The following MARF1 variants were observed in gnomAD, a reference collection of about 807,000 sequenced individuals.
The protein encoded by MARF1 is limkain-b1.
MARF1 carries 24 observed loss-of-function variants against 168.2 expected under a neutral mutation model. The observed-to-expected ratio is 0.14, with a 90% CI of 0.10 to 0.20. The LOEUF is 0.20. MARF1 is among the 10% of genes least tolerant of loss of function. MARF1 has a pLI of 1.00. For missense variants in MARF1, 1,744 were observed against 2,143.6 expected (o/e 0.81, Z 3.68); for synonymous variants, 868 against 822.4 (o/e 1.06, Z -0.95).
rs2032042104 is a variant in MARF1, at chr16:15,598,777, TTTACTATA to T, written c.4984+69_4984+76del. On this transcript the variant is annotated intron_variant, in intron 26 of 26. Transcript: ENST00000396368. The stretch of plus-strand genomic sequence containing the variant: ...GGGTAGTCCCTTCCCACCTCCGTCA[TTTACTATA>T]TCAGTATCTCATCGTGGTTTTGTTT... 1.7e-5 allele frequency: 24 copies of T among 1,408,614 alleles called. No homozygotes were observed. The East Asian group carries it at 5.3e-4, about 31-fold the overall frequency. The allele number at this position is 1,408,614 out of a possible 1,614,324, so 87.3% of individuals were successfully genotyped here.
At chr16:15,599,175 ACAAAAACCC>A in intron 25 of MARF1, 151 bp from the exon 26 acceptor site, 2 of 728,838 alleles carry the variant, frequency 2.7e-6, no homozygotes, top group East Asian at 3.0e-5. Flanking sequence ...AAAAAAAAAA[ACAAAAACCC>A]AAAACCCACT....
chr16:15,633,919 T>A, intron 4 of MARF1, 76 bp from the exon 5 acceptor site: 2 of 1,223,604 alleles, frequency 1.6e-6, no homozygotes, highest in Non-Finnish European at 2.3e-6. Context: ...ATAAACTACC[T>A]ATCATTCTCA....
chr16:15,629,701 G>T (rs1403530528), intron 7 of MARF1, among the ~76,000 whole-genome samples: 1 of 152,144 alleles, frequency 6.6e-6, no homozygotes, highest in Non-Finnish European at 1.5e-5. Flanking sequence ...ACACAGCCCA[G>T]CACTGCAATA....
At chr16:15,636,380 A>G (rs2035601400) in intron 2 of MARF1, 38 bp from the exon 3 acceptor site, 2 of 1,485,666 alleles carry the variant, frequency 1.3e-6, no homozygotes, top group Non-Finnish European at 1.8e-6. Flanking sequence ...TAATTTTATG[A>G]GGTCCGTGGT....
chr16:15,605,517 A>G (rs2151064597), intron 21 of MARF1, among the ~76,000 whole-genome samples: 1 of 152,142 alleles, frequency 6.6e-6, no homozygotes, highest in Middle Eastern at 3.4e-3. Context: ...CAACCGATAC[A>G]AGTCCAGGGG....
rs560079706 is a variant in MARF1, at chr16:15,631,555, C to T, written c.1234-57G>A. The T allele has an allele frequency of 4.3e-6, 5 of 1,168,326 alleles. No homozygotes were observed. The South Asian group carries it at 6.7e-5, about 16-fold the overall frequency. The allele number at this position is 1,168,326 out of a possible 1,614,324, so 72.4% of individuals were successfully genotyped here. A position where few individuals can be genotyped will look rare whatever the true frequency, so the allele number is the denominator to read the frequency against. Reference sequence around the variant, plus strand: ...AGGAGCTGAGGCTAGAAAATTGCTACACATTCTGCCCATATTTTTTATTTT... The same window carrying T: ...AGGAGCTGAGGCTAGAAAATTGCTATACATTCTGCCCATATTTTTTATTTT... On this transcript the variant is annotated intron_variant, in intron 5 of 26. Coordinates refer to ENST00000396368, the MANE Select transcript of MARF1 (RefSeq NM_014647.4).
chr16:15,619,319 A>AGTTTC (rs2034286779), intron 13 of MARF1, among the ~76,000 whole-genome samples: 1 of 152,202 alleles, frequency 6.6e-6, no homozygotes, highest in African/African-American at 2.4e-5. Context: ...TACCCACTCT[A>AGTTTC]GTTTCAATGA....
In MARF1 at chr16:15,604,327, C is replaced by T. The variant is rs767088126; in HGVS notation, c.4254G>A (p.Gln1418=). The part of the protein sequence containing the change: ...NRKSLRSLTA[Q]LLVLLMSWEG... ...CCCAAGACATCAACAATACCAGCAACTGGGCAGTGAGAGATCGCAGAGACT... is the reference window on the plus strand; with the variant it reads ...CCCAAGACATCAACAATACCAGCAATTGGGCAGTGAGAGATCGCAGAGACT... The change falls in exon 22 of 27, where the codon CAG becomes CAA. Residue 1418 remains glutamine (Q), a synonymous_variant. Coordinates refer to ENST00000396368, the MANE Select transcript of MARF1 (RefSeq NM_014647.4). The T allele has an allele frequency of 1.2e-5, 20 of 1,614,154 alleles. No homozygotes were observed. The highest frequency in any genetic ancestry group is 1.7e-5 in the Non-Finnish European group (20 of 1,180,032).
At position 15,612,543 on chromosome 16, in the gene MARF1, G is replaced by C. The variant is rs1435949241; in HGVS notation, c.3474+14C>G. ...TTCCTGCCTGTAAACAAGTAATCCC[G>C]TGACACGCCTTACCTGCAATACATG... is the stretch of plus-strand genomic sequence containing the variant. On this transcript the variant is annotated intron_variant, in intron 17 of 26. Coordinates refer to ENST00000396368, the MANE Select transcript of MARF1 (RefSeq NM_014647.4). The C allele has an allele frequency of 6.2e-7, 1 of 1,605,058 alleles. No individual in the cohort carries two copies. Among genetic ancestry groups the C allele is most frequent in the African/African-American group, 1.3e-5 (1 of 74,764 alleles).
At chr16:15,630,627 C>A (rs780399380) in intron 6 of MARF1, 123 bp from the exon 7 acceptor site, 11 of 803,582 alleles carry the variant, frequency 1.4e-5, no homozygotes, top group Non-Finnish European at 2.0e-5. Flanking sequence ...AAATTGCTTC[C>A]CCCGTTTCTT....
intron 17 of MARF1, 35 bp downstream of exon 17, chr16:15,612,522 T>G: frequency 6.4e-7 from 1 of 1,561,250 alleles, no homozygotes; most frequent in Middle Eastern, 1.7e-4. Flanking sequence ...GGAACATTCC[T>G]GCCTGTAAAC....
At chr16:15,611,251 G>C (rs2033511846) in intron 18 of MARF1, 143 bp from the exon 19 acceptor site, 1 of 742,884 alleles carries the variant, frequency 1.3e-6, no homozygotes, top group African/African-American at 1.8e-5. Flanking sequence ...GAGGTCAAGA[G>C]ATCGCGACCA....
At chr16:15,602,339 AGAAGAT>A (rs1369527312) in intron 22 of MARF1, 136 bp from the exon 23 acceptor site, 4 of 676,008 alleles carry the variant, frequency 5.9e-6, no homozygotes, top group South Asian at 1.8e-5. Context: ...AACGAAGATG[AGAAGAT>A]GAAGATGAAG....
intron 6 of MARF1, 54 bp downstream of exon 6, chr16:15,631,327 A>C: frequency 2.4e-6 from 3 of 1,238,348 alleles, no homozygotes; most frequent in Non-Finnish European, 3.6e-6. Context: ...GGCTTCTATG[A>C]TAATTTCCCA....
chr16:15,603,893 C>T (rs557665322), intron 22 of MARF1, among the ~76,000 whole-genome samples: 1 of 152,232 alleles, frequency 6.6e-6, no homozygotes, highest in Non-Finnish European at 1.5e-5. Context: ...ATGGGACAAA[C>T]ACACCCCAGA....
rs2034779427 is a variant in MARF1 at position 15,625,461 on chromosome 16, G to T, written c.1864C>A (p.Gln622Lys). 6.2e-7 allele frequency: 1 copy of T among 1,614,062 alleles called. No homozygotes were observed. Among genetic ancestry groups the T allele is most frequent in the African/African-American group, 1.3e-5 (1 of 74,916 alleles). The change falls in exon 8 of 27, where the codon CAA (glutamine) becomes AAA (lysine). Residue 622 changes from glutamine (Q) to lysine (K), a missense_variant. This residue lies in a region of MARF1 where 270 missense variants were observed against 260.6 expected (regional missense o/e 1.04). Transcript: ENST00000396368. ...GGCGTGGCTTTGGCACTGGAAGATTGTTCACTTGCATCTTTGATGAGGCAC... is the reference window on the plus strand; with the variant it reads ...GGCGTGGCTTTGGCACTGGAAGATTTTTCACTTGCATCTTTGATGAGGCAC... The part of the protein sequence containing the change: ...KLCLIKDASE[Q>K]SSSAKATPGK...
intron 15 of MARF1, 116 bp downstream of exon 15, chr16:15,616,936 T>C: frequency 7.1e-7 from 1 of 1,401,242 alleles, no homozygotes; most frequent in Admixed American, 2.3e-5. Context: ...GCTAAACACA[T>C]GAGGATGAAG....
At chr16:15,623,144 G>C in intron 10 of MARF1, 21 bp from the exon 11 acceptor site, 1 of 1,531,716 alleles carries the variant, frequency 6.5e-7, no homozygotes, top group Non-Finnish European at 8.9e-7. Context: ...CACACATATT[G>C]ACATTATTTT....
At chr16:15,627,481 G>A (rs2151234127) in intron 7 of MARF1, among the ~76,000 whole-genome samples, 2 of 152,230 alleles carry the variant, frequency 1.3e-5, no homozygotes, top group Middle Eastern at 6.8e-3. Flanking sequence ...AGCCAGGCGT[G>A]GTGGCGGGCG....
Sources: allele counts gnomAD v4.1 joint callset (sites outside exome capture counted in the v4.1 genomes callset), GRCh38; gene constraint gnomAD v4.1.1; regional missense constraint gnomAD v4.1.1; transcripts MANE v1.5; gene names NCBI Gene and HGNC (gene_info 2026-07-23, HGNC 2026-07-21).